The following UBE2H variants were observed in gnomAD, a reference collection of about 807,000 sequenced individuals.
UBE2H encodes the protein ubiquitin-conjugating enzyme E2 H.
A neutral mutation model predicts 29.0 loss-of-function variants in UBE2H; 3 were observed. That is an observed-to-expected ratio of 0.10 (90% CI 0.05 to 0.27). UBE2H has a LOEUF of 0.27. UBE2H is among the 10% of genes least tolerant of loss of function. UBE2H has a pLI of 1.00. For synonymous variants in UBE2H, 69 were observed against 82.9 expected, an observed-to-expected ratio of 0.83 and a Z score of 0.91; for missense variants, 68 against 228.2, an observed-to-expected ratio of 0.30 and a Z score of 4.52.
intron 1 of UBE2H, among the ~76,000 whole-genome samples, 181 bp from the exon 2 acceptor site, chr7:129,881,152 T>C (rs939888985): frequency 4.6e-5 from 7 of 152,208 alleles, no homozygotes; most frequent in Admixed American, 6.5e-5. Flanking sequence ...AAGATATGCA[T>C]GAGCTTTGGA....
At chr7:129,904,355 A>T (rs1203533916) in intron 1 of UBE2H, among the ~76,000 whole-genome samples, 1 of 151,924 alleles carries the variant, frequency 6.6e-6, no homozygotes, top group African/African-American at 2.4e-5. Context: ...CCTGGCCTTA[A>T]GCGATCCTCT....
chr7:129,858,640 ATATTAC>A (rs1251519379), intron 4 of UBE2H, among the ~76,000 whole-genome samples: 1 of 152,226 alleles, frequency 6.6e-6, no homozygotes, highest in Non-Finnish European at 1.5e-5. Flanking sequence ...GAGATGTGGA[ATATTAC>A]TACTGTTTGC....
chr7:129,900,655 A>G (rs1806693237), intron 1 of UBE2H, among the ~76,000 whole-genome samples: 1 of 152,136 alleles, frequency 6.6e-6, no homozygotes, highest in Non-Finnish European at 1.5e-5. Context: ...GTTTTAGGGT[A>G]CATGTGCACA....
intron 3 of UBE2H, among the ~76,000 whole-genome samples, chr7:129,865,222 C>A (rs933664635): frequency 6.6e-6 from 1 of 152,012 alleles, no homozygotes; most frequent in Admixed American, 6.6e-5. Context: ...GACCCATAGG[C>A]TAATAGGCAG....
At chr7:129,846,392 G>T (rs1235582885) in intron 5 of UBE2H, among the ~76,000 whole-genome samples, 2 of 144,174 alleles carry the variant, frequency 1.4e-5, no homozygotes, top group African/African-American at 5.3e-5. Flanking sequence ...TAATAATTGG[G>T]CATGGTGGCA....
At chr7:129,866,101 C>T (rs1805899946) in intron 3 of UBE2H, among the ~76,000 whole-genome samples, 1 of 152,182 alleles carries the variant, frequency 6.6e-6, no homozygotes, top group Admixed American at 6.5e-5. Flanking sequence ...CTGAGCCTTT[C>T]CTACTCAGGA....
chr7:129,908,092 C>T (rs558647874), intron 1 of UBE2H, among the ~76,000 whole-genome samples: 8 of 152,236 alleles, frequency 5.3e-5, no homozygotes, highest in Non-Finnish European at 8.8e-5. Context: ...AATTTCTATA[C>T]GAGGTTTGGC....
chr7:129,947,115 C>A (rs1807780819), intron 1 of UBE2H, among the ~76,000 whole-genome samples: 1 of 152,124 alleles, frequency 6.6e-6, no homozygotes, highest in Non-Finnish European at 1.5e-5. Flanking sequence ...GTCACATCTG[C>A]GAAACATTTT....
chr7:129,859,831 G>A (rs1805767404), intron 3 of UBE2H, among the ~76,000 whole-genome samples: 1 of 152,110 alleles, frequency 6.6e-6, no homozygotes, highest in Non-Finnish European at 1.5e-5. Context: ...ATTAAGGTGA[G>A]TATCACCACC....
At chr7:129,858,229 T>C (rs1486537269) in intron 4 of UBE2H, among the ~76,000 whole-genome samples, 1 of 152,148 alleles carries the variant, frequency 6.6e-6, no homozygotes, top group East Asian at 1.9e-4. Context: ...AATATCCTTG[T>C]TAGGATAACT....
chr7:129,871,753 CATT>C (rs1487978069), intron 3 of UBE2H, among the ~76,000 whole-genome samples: 1 of 151,806 alleles, frequency 6.6e-6, no homozygotes, highest in Non-Finnish European at 1.5e-5. Context: ...ACAGAGTAGC[CATT>C]ATGTAACTGT....
At chr7:129,854,910 T>C (rs1563023280) in intron 5 of UBE2H, among the ~76,000 whole-genome samples, 2 of 151,878 alleles carry the variant, frequency 1.3e-5, no homozygotes, top group South Asian at 2.1e-4. Context: ...GAAAACATTA[T>C]GCAAAGTGAA....
intron 1 of UBE2H, among the ~76,000 whole-genome samples, chr7:129,947,779 T>C (rs976921847): frequency 4.6e-5 from 7 of 152,082 alleles, no homozygotes; most frequent in African/African-American, 1.4e-4. Context: ...ATAAGCACCA[T>C]GACCACCCAT....
At chr7:129,884,592 ATTTT>A (rs760022598) in intron 1 of UBE2H, among the ~76,000 whole-genome samples, 4 of 133,602 alleles carry the variant, frequency 3.0e-5, no homozygotes, top group Non-Finnish European at 3.2e-5. Context: ...ACGAATTACT[ATTTT>A]TTTTTTTTTT....
intron 5 of UBE2H, among the ~76,000 whole-genome samples, chr7:129,842,800 G>A (rs995584194): frequency 3.3e-5 from 5 of 151,994 alleles, no homozygotes; most frequent in Non-Finnish European, 5.9e-5. Flanking sequence ...CTACTTGGGA[G>A]GCTGAGGCAG....
At chr7:129,918,613 A>G (rs1807091843) in intron 1 of UBE2H, among the ~76,000 whole-genome samples, 1 of 152,168 alleles carries the variant, frequency 6.6e-6, no homozygotes, top group Non-Finnish European at 1.5e-5. Context: ...TCTTAAAATT[A>G]CCAACCTGTA....
Position 129,832,575 on chromosome 7 carries a change from C to T in UBE2H, c.*2362G>A, listed in dbSNP as rs1805249030. ...TCCCCCAGCAGGTCATTTGACAATT[C>T]TGCATCTTCCGCTCTCTGGTGCTGG... On this transcript the variant is annotated 3_prime_UTR_variant, in exon 7 of 7. Coordinates refer to ENST00000355621, the MANE Select transcript of UBE2H (RefSeq NM_003344.4). 6.6e-6 allele frequency: 1 copy of T among 152,284 alleles called. No homozygotes were observed. The highest frequency in any genetic ancestry group is 1.5e-5 in the Non-Finnish European group (1 of 68,162). The allele number at this position is 152,284 out of a possible 1,614,324, so 9.4% of individuals were successfully genotyped here. A position where few individuals can be genotyped will look rare whatever the true frequency, so the allele number is the denominator to read the frequency against.
At chr7:129,934,523 A>AGGT (rs1807478576) in intron 1 of UBE2H, among the ~76,000 whole-genome samples, 1 of 151,364 alleles carries the variant, frequency 6.6e-6, no homozygotes, top group South Asian at 2.1e-4. Flanking sequence ...CTGTAATCCC[A>AGGT]GCTACTCAGG....
intron 5 of UBE2H, among the ~76,000 whole-genome samples, chr7:129,845,163 T>G (rs906242441): frequency 2.6e-5 from 4 of 152,176 alleles, no homozygotes; most frequent in South Asian, 2.1e-4. Flanking sequence ...TAGCATCACT[T>G]AGTCTAGAGC....
Sources: gnomAD v4.1 joint callset for allele counts (sites outside exome capture counted in the v4.1 genomes callset) on GRCh38, gnomAD v4.1.1 for gene constraint, MANE v1.5 for transcripts, NCBI Gene and HGNC (gene_info 2026-07-23, HGNC 2026-07-21) for gene names.